SBF2: variants seen among roughly 807,000 people sequenced by gnomAD.
The protein encoded by SBF2 is SET binding factor 2.
Under a neutral mutation model 225.2 loss-of-function variants are expected in SBF2, and 112 were observed. The observed-to-expected ratio is 0.50, with a 90% confidence interval of 0.43 to 0.58. SBF2 has a LOEUF of 0.58. Among genes scored for constraint, SBF2 ranks in the 20% least tolerant of loss-of-function variants. The probability of loss-of-function intolerance (pLI) is 0.00; values close to 1 mark genes in which losing one functional copy is unlikely to be tolerated. For missense variants in SBF2, 1,996 were observed against 2,206.2 expected, an observed-to-expected ratio of 0.90 and a Z score of 1.91; for synonymous variants, 763 against 773.3, an observed-to-expected ratio of 0.99 and a Z score of 0.22.
intron 3 of SBF2, among the ~76,000 whole-genome samples, chr11:10,035,027 G>C (rs1377286659): frequency 6.6e-6 from 1 of 152,082 alleles, no homozygotes; most frequent in Non-Finnish European, 1.5e-5. Context: ...CTTCAGTTCA[G>C]AATCTCCGCT....
At chr11:9,797,129 C>T (rs1038917259) in intron 32 of SBF2, among the ~76,000 whole-genome samples, 1 of 152,170 alleles carries the variant, frequency 6.6e-6, no homozygotes, top group Non-Finnish European at 1.5e-5. Context: ...TAAAAGTCAG[C>T]GTTCTCCTCC....
At chr11:9,965,920 A>C (rs1271231912) in intron 14 of SBF2, among the ~76,000 whole-genome samples, 2 of 152,170 alleles carry the variant, frequency 1.3e-5, no homozygotes, top group African/African-American at 4.8e-5. Flanking sequence ...ATTAACTGAA[A>C]ATCTATCTAT....
intron 2 of SBF2, among the ~76,000 whole-genome samples, chr11:10,095,064 A>G (rs1590943377): frequency 6.6e-6 from 1 of 152,078 alleles, no homozygotes; most frequent in Non-Finnish European, 1.5e-5. Context: ...CTGGGACTAT[A>G]CAGGTATGCA....
chr11:9,800,776 T>A (rs184621770), intron 32 of SBF2, among the ~76,000 whole-genome samples: 1 of 152,268 alleles, frequency 6.6e-6, no homozygotes, highest in Non-Finnish European at 1.5e-5. Flanking sequence ...CTTGAACTCC[T>A]GGGCTCAAGT....
At chr11:10,067,885 C>T (rs948975372) in intron 2 of SBF2, among the ~76,000 whole-genome samples, 13 of 152,058 alleles carry the variant, frequency 8.5e-5, no homozygotes, top group African/African-American at 2.9e-4. Context: ...AATGATACCC[C>T]TCCCCCGAAT....
intron 2 of SBF2, among the ~76,000 whole-genome samples, chr11:10,176,756 A>G (rs1360327578): frequency 6.6e-6 from 1 of 152,238 alleles, no homozygotes; most frequent in Non-Finnish European, 1.5e-5. Flanking sequence ...GAATTGTACC[A>G]GAGGTACAAG....
At chr11:10,228,510 T>G (rs561592226) in intron 1 of SBF2, among the ~76,000 whole-genome samples, 2 of 152,330 alleles carry the variant, frequency 1.3e-5, no homozygotes, top group East Asian at 1.9e-4. Context: ...ATACCTAATT[T>G]ATTGAGAGTT....
At chr11:10,121,466 A>C (rs1953445046) in intron 2 of SBF2, among the ~76,000 whole-genome samples, 1 of 152,206 alleles carries the variant, frequency 6.6e-6, no homozygotes, top group African/African-American at 2.4e-5. Context: ...CTGTTAAAGG[A>C]AAGATATATC....
At chr11:10,094,504 T>C (rs1951928701) in intron 2 of SBF2, among the ~76,000 whole-genome samples, 1 of 147,070 alleles carries the variant, frequency 6.8e-6, no homozygotes, top group Non-Finnish European at 1.5e-5. Flanking sequence ...AAAAAATTAT[T>C]TTCCCTACTA....
At chr11:10,017,141 T>A (rs757766989) in intron 6 of SBF2, among the ~76,000 whole-genome samples, 1 of 152,140 alleles carries the variant, frequency 6.6e-6, no homozygotes, top group Non-Finnish European at 1.5e-5. Flanking sequence ...AAGGTTAGAG[T>A]TCTAAAATTC....
At position 9,808,974 on chromosome 11, in the gene SBF2, A is replaced by G; in HGVS notation, c.4184T>C (p.Val1395Ala). Reference sequence around the variant, plus strand: ...ACCATTCTCAAGTACTTCTGATACAACCACAGCCAGCTGCATTATCCTGTG... The same window carrying G: ...ACCATTCTCAAGTACTTCTGATACAGCCACAGCCAGCTGCATTATCCTGTG... ...QLHRIMQLAV[V>A]VSEVLENGSS... Residue 1395 changes from valine (V) to alanine (A), a missense_variant, in exon 31 of 40, where the codon GTT (valine) becomes GCT (alanine). Physicochemically the swap from Val to Ala is moderately conservative, Grantham distance 64 (BLOSUM62 0). Coordinates refer to ENST00000256190, the MANE Select transcript of SBF2 (RefSeq NM_030962.4). 2 of 1,614,040 alleles carry G rather than the reference A, an allele frequency of 1.2e-6. No individual in the cohort carries two copies. Among genetic ancestry groups the G allele is most frequent in the East Asian group, 2.2e-5 (1 of 44,878 alleles).
At chr11:9,896,541 C>G (rs544030819) in intron 16 of SBF2, among the ~76,000 whole-genome samples, 1 of 152,056 alleles carries the variant, frequency 6.6e-6, no homozygotes, top group Non-Finnish European at 1.5e-5. Flanking sequence ...CCTGTAATCC[C>G]AGCACTTTGG....
chr11:10,002,411 TTA>T, intron 7 of SBF2, 144 bp downstream of exon 7: 2 of 673,964 alleles, frequency 3.0e-6, no homozygotes, highest in Non-Finnish European at 5.1e-6. Flanking sequence ...AGACTAGATT[TTA>T]TCAGAACTAT....
At chr11:9,990,603 TC>T in intron 12 of SBF2, among the ~76,000 whole-genome samples, 1 of 152,168 alleles carries the variant, frequency 6.6e-6, no homozygotes, top group South Asian at 2.1e-4. Flanking sequence ...TAGCTGGCAG[TC>T]AAGTAACATA....
intron 16 of SBF2, among the ~76,000 whole-genome samples, chr11:9,917,086 C>T (rs920150772): frequency 2.0e-5 from 3 of 151,546 alleles, no homozygotes; most frequent in Admixed American, 2.0e-4. Context: ...CACAAACTTC[C>T]ATTTCAATAT....
intron 2 of SBF2, among the ~76,000 whole-genome samples, chr11:10,104,605 A>C (rs922256682): frequency 6.6e-6 from 1 of 152,202 alleles, no homozygotes; most frequent in Non-Finnish European, 1.5e-5. Flanking sequence ...TGACCAAAAC[A>C]AACTACATTT....
intron 2 of SBF2, 47 bp from the exon 3 acceptor site, chr11:10,043,028 T>A: frequency 6.4e-7 from 1 of 1,555,160 alleles, no homozygotes; most frequent in East Asian, 2.4e-5. Flanking sequence ...ACAATAAAAG[T>A]TAATTATTAA....
intron 32 of SBF2, 58 bp from the exon 33 acceptor site, chr11:9,796,015 C>A: frequency 6.4e-7 from 1 of 1,572,854 alleles, no homozygotes; most frequent in South Asian, 1.1e-5. Flanking sequence ...AAGTGGATGC[C>A]AGGCCACTGA....
chr11:10,276,329 T>A (rs1962958257), intron 1 of SBF2, among the ~76,000 whole-genome samples: 1 of 152,218 alleles, frequency 6.6e-6, no homozygotes, highest in Non-Finnish European at 1.5e-5. Flanking sequence ...TGCCAAAATA[T>A]CAAGAATTTC....
Sources: gnomAD v4.1 joint callset for allele counts (sites outside exome capture counted in the v4.1 genomes callset) on GRCh38, gnomAD v4.1.1 for gene constraint, MANE v1.5 for transcripts, NCBI Gene and HGNC (gene_info 2026-07-23, HGNC 2026-07-21) for gene names.